Variants in SULF2 observed in about 807,000 individuals in gnomAD.
SULF2 encodes extracellular sulfatase Sulf-2.
SULF2 carries 52 observed loss-of-function variants against 107.7 expected under a neutral mutation model. The observed-to-expected ratio is 0.48, with a 90% CI of 0.39 to 0.61. SULF2 has a LOEUF of 0.61. Ranked by LOEUF, SULF2 falls within the 20% of genes least tolerant of loss-of-function variation. The probability of loss-of-function intolerance (pLI) is 0.00; values close to 1 mark genes in which losing one functional copy is unlikely to be tolerated. For synonymous variants in SULF2, 460 were observed against 464.3 expected, an observed-to-expected ratio of 0.99 and a Z score of 0.12; for missense variants, 993 against 1,177.3, an observed-to-expected ratio of 0.84 and a Z score of 2.29.
chr20:47,724,298 C>T (rs369163518), intron 3 of SULF2, among the ~76,000 whole-genome samples: 1 of 152,194 alleles, frequency 6.6e-6, no homozygotes, highest in African/African-American at 2.4e-5. Flanking sequence ...ACAAGCAGAT[C>T]GCCAGGGCGA....
At chr20:47,667,767 A>T (rs182062782) in intron 11 of SULF2, among the ~76,000 whole-genome samples, 224 of 152,152 alleles carry the variant, frequency 1.5e-3, no homozygotes, top group African/African-American at 5.1e-3. Flanking sequence ...GTTTTGTTGG[A>T]TCCCAAGTGA....
chr20:47,672,604 C>G (rs971649499), intron 10 of SULF2: 1 of 951,460 alleles, frequency 1.1e-6, no homozygotes, highest in Non-Finnish European at 1.3e-6. Context: ...AGCGAGATGC[C>G]TCCGACAGCC....
At chr20:47,665,804 C>A in intron 13 of SULF2, 53 bp downstream of exon 13, 1 of 1,501,540 alleles carries the variant, frequency 6.7e-7, no homozygotes, top group South Asian at 1.1e-5. Flanking sequence ...AACCGGGGGT[C>A]CTGCCAGGCC....
chr20:47,766,750 G>A (rs953411834), intron 1 of SULF2, among the ~76,000 whole-genome samples: 3 of 152,296 alleles, frequency 2.0e-5, no homozygotes, highest in South Asian at 2.1e-4. Context: ...GCAAACCACC[G>A]GCAAGCTGTG....
intron 11 of SULF2, among the ~76,000 whole-genome samples, chr20:47,668,982 G>C (rs530748289): frequency 6.6e-6 from 1 of 152,168 alleles, no homozygotes; most frequent in Non-Finnish European, 1.5e-5. Context: ...TCTGTACTTT[G>C]TTCTCATTAA....
At chr20:47,756,190 A>G (rs979288319) in intron 2 of SULF2, among the ~76,000 whole-genome samples, 1 of 152,202 alleles carries the variant, frequency 6.6e-6, no homozygotes, top group Non-Finnish European at 1.5e-5. Flanking sequence ...ACCCCTCTGC[A>G]AAATTCTTCA....
chr20:47,677,168 CAT>C, intron 8 of SULF2, 34 bp from the exon 9 acceptor site: 2 of 1,612,554 alleles, frequency 1.2e-6, no homozygotes, highest in Non-Finnish European at 1.7e-6. Context: ...TTCTCAGCAA[CAT>C]GAGGGCTTCC....
At position 47,666,199 on chromosome 20, in the gene SULF2, G is replaced by A. The variant is rs749594680; in HGVS notation, c.1805+61C>T. 9 of 1,610,100 alleles carry A rather than the reference G, an allele frequency of 5.6e-6. No individual in the cohort carries two copies. The highest frequency in any genetic ancestry group is 4.4e-5 in the South Asian group (4 of 90,868). ...GTCCTCAGGGGCCCAAGAGGTGTGG[G>A]AAGCCCTTTGCCGAGGTCTGTCCTG... On this transcript the variant is annotated intron_variant, in intron 12 of 20. Transcript: ENST00000688720. The surrounding 1 kb of genome is among the most constrained non-coding windows in gnomAD (Gnocchi z 5.4).
chr20:47,748,363 A>C (rs568637044), intron 2 of SULF2, among the ~76,000 whole-genome samples: 2 of 152,290 alleles, frequency 1.3e-5, no homozygotes, highest in East Asian at 3.9e-4. Flanking sequence ...TAGGCCACAC[A>C]ACCCCACTTC....
chr20:47,665,224 C>T lies in SULF2; in HGVS notation c.1972G>A (p.Glu658Lys). 1 of 1,614,088 alleles carries T rather than the reference C, an allele frequency of 6.2e-7. No individual in the cohort carries two copies. The highest frequency in any genetic ancestry group is 8.5e-7 in the Non-Finnish European group (1 of 1,179,918). ...CTGATTTTGTGACAGTCACATTCTT[C>T]TGGCCGCTTTTTCTTCAGGTGACCT... The part of the protein sequence containing the change: ...VRGHLKKKRP[E>K]ECDCHKISYH... Residue 658 changes from glutamate to lysine, a missense_variant, in exon 14 of 21, where the codon GAA (glutamate) becomes AAA (lysine). Glu to Lys is a moderately conservative substitution (Grantham distance 56). This residue lies in a region of SULF2 where 497 missense variants were observed against 544.1 expected (regional missense o/e 0.91). Transcript: ENST00000688720.
chr20:47,731,182 C>CT lies in SULF2; in HGVS notation c.415+5520dup, dbSNP rs1342480404. ...GACTCTGCCTGCTACTCACCTGTAT[C>CT]TTCTCTTTTTTTTTTTTTTTTTTTT... On this transcript the variant is annotated intron_variant, in intron 3 of 20. Transcript: ENST00000688720. Among the ~76,000 whole-genome samples, 301 of 99,550 alleles carry CT rather than the reference C, an allele frequency of 3.0e-3. 9 individuals are homozygous for CT. The highest frequency in any genetic ancestry group is 5.8e-3 in the Middle Eastern group (1 of 172). The allele number at this position is 99,550 out of a possible 152,430, so 65.3% of individuals were successfully genotyped here.
Position 47,709,584 on chromosome 20 carries a change from G to T in SULF2, c.416-6914C>A, listed in dbSNP as rs144527198. On this transcript the variant is annotated intron_variant, in intron 3 of 20. Coordinates refer to ENST00000688720, the MANE Select transcript of SULF2 (RefSeq NM_001387048.1). Reference sequence around the variant, plus strand: ...TCCCCTGGTGATCATGCACAAACTGGTTAGTTGAGGCAAAGGCATGTGACC... The same window carrying T: ...TCCCCTGGTGATCATGCACAAACTGTTTAGTTGAGGCAAAGGCATGTGACC... 3.8e-3 allele frequency among the ~76,000 whole-genome samples: 584 copies of T among 152,314 alleles called. 4 individuals carry two copies. Among genetic ancestry groups the T allele is most frequent in the Non-Finnish European group, 6.9e-3 (469 of 68,024 alleles).
intron 1 of SULF2, among the ~76,000 whole-genome samples, chr20:47,778,354 C>G (rs2090762037): frequency 1.3e-5 from 2 of 152,246 alleles, no homozygotes; most frequent in Non-Finnish European, 2.9e-5. Context: ...CATAACAACT[C>G]TGAGTTTGGG....
rs1568941826 is a variant in SULF2 at position 47,785,460 on chromosome 20, C to CGCTGCT, written c.-219_-218insAGCAGC. On this transcript the variant is annotated 5_prime_UTR_variant, in exon 1 of 21. Coordinates refer to ENST00000688720, the MANE Select transcript of SULF2 (RefSeq NM_001387048.1). ...GCGCCGCCGCTGCCGCTGCCGCCGC[C>CGCTGCT]GCCGCCGCCGCTGCCGCTGCTGCAT... 1 of 148,500 alleles carries CGCTGCT rather than the reference C, an allele frequency of 6.7e-6. No homozygotes were observed. Among genetic ancestry groups the CGCTGCT allele is most frequent in the African/African-American group, 2.8e-5 (1 of 35,592 alleles). The allele number at this position is 148,500 out of a possible 1,614,324, so 9.2% of individuals were successfully genotyped here. A position where few individuals can be genotyped will look rare whatever the true frequency, so the allele number is the denominator to read the frequency against.
chr20:47,758,133 G>A (rs1452440704), intron 1 of SULF2, among the ~76,000 whole-genome samples: 1 of 151,562 alleles, frequency 6.6e-6, no homozygotes, highest in Non-Finnish European at 1.5e-5. Context: ...CCTTGTTAAG[G>A]GATCTTGTAG....
chr20:47,766,358 T>C (rs2090528245), intron 1 of SULF2, among the ~76,000 whole-genome samples: 1 of 152,180 alleles, frequency 6.6e-6, no homozygotes, highest in Non-Finnish European at 1.5e-5. Context: ...TTGCCTGTTC[T>C]TGGAATTCCA....
chr20:47,727,720 G>T, intron 3 of SULF2, among the ~76,000 whole-genome samples: 1 of 152,268 alleles, frequency 6.6e-6, no homozygotes, highest in East Asian at 1.9e-4. Flanking sequence ...CTTATCACAG[G>T]CACTGGGTGA....
intron 4 of SULF2, among the ~76,000 whole-genome samples, chr20:47,696,954 C>T (rs973875848): frequency 6.6e-6 from 1 of 152,138 alleles, no homozygotes; most frequent in Non-Finnish European, 1.5e-5. Flanking sequence ...TCCATCACGC[C>T]GTCTCCTGCC....
chr20:47,716,704 C>T (rs1253916860), intron 3 of SULF2, among the ~76,000 whole-genome samples: 3 of 152,188 alleles, frequency 2.0e-5, no homozygotes, highest in African/African-American at 7.2e-5. Context: ...CAGCCTCACA[C>T]AGACATGCAG....
Sources: allele counts gnomAD v4.1 joint callset (sites outside exome capture counted in the v4.1 genomes callset), GRCh38; gene constraint gnomAD v4.1.1; regional missense constraint gnomAD v4.1.1; non-coding constraint Gnocchi (gnomAD v3.1); transcripts MANE v1.5; gene names NCBI Gene and HGNC (gene_info 2026-07-23, HGNC 2026-07-21).